ASPG: variants seen among roughly 807,000 people sequenced by gnomAD.
ASPG encodes the protein 60 kDa lysophospholipase.
Under a neutral mutation model 63.2 loss-of-function variants are expected in ASPG, and 53 were observed. That is an observed-to-expected ratio of 0.84 (90% CI 0.67 to 1.05). The LOEUF is 1.05. ASPG is among the 50% of genes least tolerant of loss of function. The pLI is 0.00. For synonymous variants in ASPG, 370 were observed against 355.0 expected (o/e 1.04, Z -0.48); for missense variants, 741 against 794.4 (o/e 0.93, Z 0.81).
intron 6 of ASPG, among the ~76,000 whole-genome samples, chr14:104,099,491 G>T (rs2036776126): frequency 6.6e-6 from 1 of 152,160 alleles, no homozygotes. Flanking sequence ...CAGCCTTGGA[G>T]CTTGTTCTCA....
rs1566824255 is a variant in ASPG, at chr14:104,092,691, CGAG to C, written c.145_147del (p.Glu49del). The C allele has an allele frequency of 3.9e-6, 6 of 1,537,880 alleles. No individual in the cohort carries two copies. The highest frequency in any genetic ancestry group is 5.2e-6 in the Non-Finnish European group (6 of 1,147,668). Reference sequence around the variant, plus strand: ...TGAGGACACTGCCCATGTTCCATGACGAGGAGCACGCCCGAGCCCGCGGCCTCT... The same window carrying C: ...TGAGGACACTGCCCATGTTCCATGACGAGCACGCCCGAGCCCGCGGCCTCT... On this transcript the variant is annotated inframe_deletion, in exon 2 of 16. Transcript: ENST00000551177.
chr14:104,111,431 G>C, intron 13 of ASPG, 71 bp from the exon 14 acceptor site: 1 of 1,348,944 alleles, frequency 7.4e-7, no homozygotes, highest in South Asian at 1.3e-5. Context: ...GCCACCTGGG[G>C]GACAGGCACG....
chr14:104,104,803 A>G (rs2037050003), intron 9 of ASPG, 68 bp downstream of exon 9: 4 of 1,344,268 alleles, frequency 3.0e-6, no homozygotes, highest in Non-Finnish European at 4.1e-6. Flanking sequence ...TCCCAGGGGC[A>G]TGTCTGGGGC....
intron 13 of ASPG, among the ~76,000 whole-genome samples, 170 bp from the exon 14 acceptor site, chr14:104,111,332 G>A (rs1288721325): frequency 6.6e-6 from 1 of 152,228 alleles, no homozygotes; most frequent in Non-Finnish European, 1.5e-5. Context: ...CCAGGCTCCA[G>A]GCTGCCCGAT....
chr14:104,106,107 G>T (rs2037116605), intron 10 of ASPG, among the ~76,000 whole-genome samples: 1 of 152,242 alleles, frequency 6.6e-6, no homozygotes, highest in African/African-American at 2.4e-5. Flanking sequence ...ACTGCCACTT[G>T]CTGGGGCGGG....
rs746621112 is a variant in ASPG, at chr14:104,091,826, C to T, written c.83-807C>T. 2.4e-4 allele frequency among the ~76,000 whole-genome samples: 32 copies of T among 134,674 alleles called. No homozygotes were observed. The East Asian group carries it at 6.0e-3, about 25-fold the overall frequency. 88.4% of individuals were successfully genotyped at this position (134,674 alleles called of 152,430 possible). The stretch of plus-strand genomic sequence containing the variant: ...GCTGCTGGGGGAGGGAAGGGAGGGC[C>T]GGGAGGGAGCTTTGGGACTTGCTGG... On this transcript the variant is annotated intron_variant, in intron 1 of 15. Coordinates refer to ENST00000551177, the MANE Select transcript of ASPG (RefSeq NM_001080464.3). This position sits in a 1 kb window ranked among gnomAD's most constrained non-coding sequence, Gnocchi z 6.4.
chr14:104,104,996 C>T, intron 9 of ASPG: 1 of 576,414 alleles, frequency 1.7e-6, no homozygotes, highest in Non-Finnish European at 3.0e-6. Flanking sequence ...CTGAGGCTCC[C>T]CTAACTGTCG....
chr14:104,101,590 C>T (rs1341217330), intron 6 of ASPG, among the ~76,000 whole-genome samples: 1 of 152,028 alleles, frequency 6.6e-6, no homozygotes. Flanking sequence ...CTGTGCTGAG[C>T]CCTGACCCCG....
rs557132570 is a variant in ASPG at position 104,112,986 on chromosome 14, C to T, written c.*442C>T. On this transcript the variant is annotated 3_prime_UTR_variant, in exon 16 of 16. Coordinates refer to ENST00000551177, the MANE Select transcript of ASPG (RefSeq NM_001080464.3). Reference sequence around the variant, plus strand: ...CCTCTGCCCATCTCCTTACCTCCTGCGCCTTCATTCTGGAGCTTGAAGTCC... The same window carrying T: ...CCTCTGCCCATCTCCTTACCTCCTGTGCCTTCATTCTGGAGCTTGAAGTCC... 1.6e-4 allele frequency: 38 copies of T among 235,828 alleles called. No homozygotes were observed. In the East Asian group the frequency reaches 2.5e-3, roughly 15 times the overall value. 14.6% of individuals were successfully genotyped at this position (235,828 alleles called of 1,614,324 possible). A position where few individuals can be genotyped will look rare whatever the true frequency, so the allele number is the denominator to read the frequency against.
chr14:104,106,042 A>G (rs538147653), intron 10 of ASPG, among the ~76,000 whole-genome samples: 17 of 152,364 alleles, frequency 1.1e-4, no homozygotes, highest in Non-Finnish European at 1.8e-4. Flanking sequence ...CCCCGGCCTC[A>G]GTGCCTCGGT....
At chr14:104,098,463 C>T (rs557810691) in intron 5 of ASPG, among the ~76,000 whole-genome samples, 82 of 152,334 alleles carry the variant, frequency 5.4e-4, no homozygotes, top group African/African-American at 1.9e-3. Context: ...TCCCATTCAC[C>T]GTGGGCAGGG....
At chr14:104,104,873 G>C in intron 9 of ASPG, 138 bp downstream of exon 9, 1 of 728,308 alleles carries the variant, frequency 1.4e-6, no homozygotes. Context: ...GGGGAGGGAT[G>C]TGGCTCCCTA....
chr14:104,093,556 G>A lies in ASPG; in HGVS notation c.257G>A (p.Ser86Asn). 6.2e-7 allele frequency: 1 copy of A among 1,612,772 alleles called. No homozygotes were observed. Among genetic ancestry groups the A allele is most frequent in the Non-Finnish European group, 8.5e-7 (1 of 1,179,784 alleles). The change falls in exon 3 of 16, where the codon AGT becomes AAT. Residue 86 changes from serine (S) to asparagine (N), a missense_variant. Coordinates refer to ENST00000551177, the MANE Select transcript of ASPG (RefSeq NM_001080464.3). The stretch of plus-strand genomic sequence containing the variant: ...GAGTGCCAGCCCCTCTTCGACTCCA[G>A]TGACATGACCATCGCTGAGTGGGTT... ...VLECQPLFDSSDMTIAEWVCL... is the reference protein window; with the variant it reads ...VLECQPLFDSNDMTIAEWVCL...
rs372555051 is a variant in ASPG at position 104,095,518 on chromosome 14, G to A, written c.304-13G>A. 1.1e-5 allele frequency: 18 copies of A among 1,612,272 alleles called. No homozygotes were observed. Among genetic ancestry groups the A allele is most frequent in the East Asian group, 6.7e-5 (3 of 44,870 alleles). ...GAGGGGCTGGCCTGCCTGAGCATGC[G>A]CCCCTCCTGCAGAGGCACTACGAGC... On this transcript the variant is annotated splice_polypyrimidine_tract_variant and intron_variant, in intron 3 of 15. Transcript: ENST00000551177.
rs1202894646 is a variant in ASPG at position 104,109,202 on chromosome 14, A to C, written c.1434-27A>C. On this transcript the variant is annotated intron_variant, in intron 12 of 15. Transcript: ENST00000551177. The surrounding 1 kb of genome is among the most constrained non-coding windows in gnomAD (Gnocchi z 4.8). ...AGCGGGGCTGGGCTGGCCAGGGCAG[A>C]AGGTCAGCATGCTCATTCTCACACA... 6 of 1,611,034 alleles carry C rather than the reference A, an allele frequency of 3.7e-6. No homozygotes were observed. The highest frequency in any genetic ancestry group is 5.1e-6 in the Non-Finnish European group (6 of 1,178,954).
At chr14:104,101,933 C>T (rs2036895770) in intron 6 of ASPG, among the ~76,000 whole-genome samples, 1 of 152,206 alleles carries the variant, frequency 6.6e-6, no homozygotes, top group African/African-American at 2.4e-5. Context: ...GCCACCAGCG[C>T]TCCTCTCTGC....
rs1233266402 is a variant in ASPG at position 104,112,568 on chromosome 14, T to A, written c.*24T>A. 5 of 1,609,582 alleles carry A rather than the reference T, an allele frequency of 3.1e-6. No individual in the cohort carries two copies. Among genetic ancestry groups the A allele is most frequent in the Non-Finnish European group, 4.2e-6 (5 of 1,178,516 alleles). ...AACCTGAAGGCGTCCTGCTGCAGTA[T>A]AAGCCATTCCTTCCTCCCATGACCT... On this transcript the variant is annotated 3_prime_UTR_variant, in exon 16 of 16. Coordinates refer to ENST00000551177, the MANE Select transcript of ASPG (RefSeq NM_001080464.3).
intron 9 of ASPG, 114 bp downstream of exon 9, chr14:104,104,849 G>A (rs937198129): frequency 2.5e-5 from 23 of 902,758 alleles, no homozygotes; most frequent in Non-Finnish European, 3.5e-5. Context: ...TCCAGGGTGT[G>A]TCCTGTTTGG....
intron 2 of ASPG, 48 bp downstream of exon 2, chr14:104,092,789 G>A: frequency 6.8e-6 from 10 of 1,478,904 alleles, no homozygotes; most frequent in Non-Finnish European, 7.3e-6. Flanking sequence ...GCTGCTGAGG[G>A]GCACCGATCC....
Sources: gnomAD v4.1 joint callset for allele counts (sites outside exome capture counted in the v4.1 genomes callset) on GRCh38, gnomAD v4.1.1 for gene constraint, Gnocchi (gnomAD v3.1) non-coding constraint, MANE v1.5 for transcripts, NCBI Gene and HGNC (gene_info 2026-07-23, HGNC 2026-07-21) for gene names.